The following DLGAP4 variants were observed in gnomAD, a reference collection of about 807,000 sequenced individuals.
DLGAP4 encodes the protein disks large-associated protein 4.
In DLGAP4, 18 loss-of-function variants were observed where a neutral mutation model predicts 86.9. That is an observed-to-expected ratio of 0.21 (90% CI 0.14 to 0.31). The LOEUF is 0.31. Ranked by LOEUF, DLGAP4 falls within the 10% of genes least tolerant of loss-of-function variation. The probability of loss-of-function intolerance (pLI) is 1.00; values close to 1 mark genes in which losing one functional copy is unlikely to be tolerated. For synonymous variants in DLGAP4, 548 were observed against 574.3 expected (o/e 0.95, Z 0.65); for missense variants, 1,085 against 1,362.6 (o/e 0.80, Z 3.21).
At chr20:36,416,489 C>T (rs545286216) in intron 2 of DLGAP4, among the ~76,000 whole-genome samples, 4 of 152,280 alleles carry the variant, frequency 2.6e-5, no homozygotes, top group South Asian at 2.1e-4. Flanking sequence ...TGGTGGAACC[C>T]GGGCGAACCA....
rs567533265 is a variant in DLGAP4 at position 36,432,919 on chromosome 20, C to T, written c.999+203C>T. On this transcript the variant is annotated intron_variant, in intron 3 of 12. Transcript: ENST00000339266. The surrounding 1 kb of genome is among the most constrained non-coding windows in gnomAD (Gnocchi z 6.5). ...GCTCTCAACAGAGATTAATTAGGGC[C>T]TTTCTGAGCCCAGCCCTGAGCAGGG... Among the ~76,000 whole-genome samples the T allele has an allele frequency of 6.6e-6, 1 of 152,266 alleles. No homozygotes were observed. Among genetic ancestry groups the T allele is most frequent in the East Asian group, 1.9e-4 (1 of 5,184 alleles).
chr20:36,428,617 C>G (rs55948010), intron 2 of DLGAP4, among the ~76,000 whole-genome samples: 1 of 152,216 alleles, frequency 6.6e-6, no homozygotes, highest in African/African-American at 2.4e-5. Context: ...ACACTGTCCC[C>G]TTTCTTTGCA....
intron 1 of DLGAP4, among the ~76,000 whole-genome samples, chr20:36,344,145 G>A (rs2065412619): frequency 6.6e-6 from 1 of 152,208 alleles, no homozygotes; most frequent in Admixed American, 6.5e-5. Context: ...AACAGTGGGA[G>A]TGTGGTGGGA....
At chr20:36,461,936 A>G in intron 7 of DLGAP4, 1 of 984,538 alleles carries the variant, frequency 1.0e-6, no homozygotes. Flanking sequence ...TTCAGCCCTC[A>G]GAGCCGCCCT....
At chr20:36,477,417 T>A in intron 7 of DLGAP4, among the ~76,000 whole-genome samples, 1 of 152,244 alleles carries the variant, frequency 6.6e-6, no homozygotes, top group East Asian at 1.9e-4. Flanking sequence ...TAATGCACAA[T>A]GCACATCTAA....
intron 1 of DLGAP4, among the ~76,000 whole-genome samples, chr20:36,330,482 T>TC (rs2065256277): frequency 6.6e-6 from 1 of 152,092 alleles, no homozygotes; most frequent in East Asian, 1.9e-4. Context: ...TCTCTGTGCC[T>TC]TAGTTTCCTC....
At chr20:36,379,832 T>G (rs776109700) in intron 2 of DLGAP4, among the ~76,000 whole-genome samples, 1 of 152,218 alleles carries the variant, frequency 6.6e-6, no homozygotes, top group Non-Finnish European at 1.5e-5. Context: ...TGCATTTAGC[T>G]GCATGTAACA....
At chr20:36,328,903 G>A (rs538492618) in intron 1 of DLGAP4, among the ~76,000 whole-genome samples, 1 of 152,086 alleles carries the variant, frequency 6.6e-6, no homozygotes, top group Non-Finnish European at 1.5e-5. Flanking sequence ...AGCCTCCTGA[G>A]TAGCTGCGAC....
At chr20:36,446,665 C>T (rs1035946949) in intron 6 of DLGAP4, 32 bp from the exon 7 acceptor site, 38 of 1,571,548 alleles carry the variant, frequency 2.4e-5, no homozygotes, top group Non-Finnish European at 2.9e-5. Flanking sequence ...GCAAGATAGC[C>T]AGCTCCCTCA....
chr20:36,394,625 C>T (rs752161125), intron 2 of DLGAP4, among the ~76,000 whole-genome samples: 9 of 152,164 alleles, frequency 5.9e-5, no homozygotes, highest in South Asian at 2.1e-4. Flanking sequence ...TGCTTCCCCA[C>T]GCTGTCGCCA....
chr20:36,513,761 G>A (rs1337795477), intron 10 of DLGAP4, among the ~76,000 whole-genome samples: 2 of 152,092 alleles, frequency 1.3e-5, no homozygotes, highest in Non-Finnish European at 2.9e-5. Flanking sequence ...ATTAGATATG[G>A]GTAAGAGTAA....
chr20:36,396,216 A>G (rs568790731), intron 2 of DLGAP4, among the ~76,000 whole-genome samples: 58 of 152,022 alleles, frequency 3.8e-4, no homozygotes, highest in Admixed American at 9.2e-4. Flanking sequence ...TCAGCACCGC[A>G]GAAGTGCAGT....
chr20:36,521,365 CTTT>C (rs549680541), intron 10 of DLGAP4, among the ~76,000 whole-genome samples: 53 of 152,124 alleles, frequency 3.5e-4, no homozygotes, highest in African/African-American at 1.3e-3. Flanking sequence ...AGTAGTTTTT[CTTT>C]TTTATTACTT....
At chr20:36,404,609 T>C (rs1331906682) in intron 2 of DLGAP4, among the ~76,000 whole-genome samples, 1 of 151,610 alleles carries the variant, frequency 6.6e-6, no homozygotes, top group African/African-American at 2.4e-5. Context: ...AATGAGGGGG[T>C]GGAATGGAAT....
rs1374453724 is a variant in DLGAP4, at chr20:36,431,197, C to T, written c.-72-449C>T. On this transcript the variant is annotated intron_variant, in intron 2 of 12. Coordinates refer to ENST00000339266, the MANE Select transcript of DLGAP4 (RefSeq NM_001365621.2). The surrounding 1 kb of genome is among the most constrained non-coding windows in gnomAD (Gnocchi z 5.1). ...TGCCACAGGGACCATCCTGGGGTTCCGGGATGACTGTTTGGGGGCCTGTGG... is the reference window on the plus strand; with the variant it reads ...TGCCACAGGGACCATCCTGGGGTTCTGGGATGACTGTTTGGGGGCCTGTGG... Among the ~76,000 whole-genome samples the T allele has an allele frequency of 3.9e-5, 6 of 152,004 alleles. No individual in the cohort carries two copies. Among genetic ancestry groups the T allele is most frequent in the African/African-American group, 9.7e-5 (4 of 41,386 alleles).
At chr20:36,399,324 C>T (rs2032088432) in intron 2 of DLGAP4, among the ~76,000 whole-genome samples, 1 of 152,206 alleles carries the variant, frequency 6.6e-6, no homozygotes, top group African/African-American at 2.4e-5. Context: ...AGCTCTGTGG[C>T]CTTGGGCAAG....
intron 10 of DLGAP4, among the ~76,000 whole-genome samples, chr20:36,513,886 A>T (rs899266495): frequency 3.3e-5 from 5 of 152,204 alleles, no homozygotes; most frequent in African/African-American, 1.2e-4. Flanking sequence ...GGTTTGGAAC[A>T]TGTTAAATTT....
intron 2 of DLGAP4, among the ~76,000 whole-genome samples, chr20:36,427,799 T>C (rs980818856): frequency 6.6e-6 from 1 of 151,772 alleles, no homozygotes; most frequent in Non-Finnish European, 1.5e-5. Flanking sequence ...AAAAATTAGC[T>C]GGGCGTGGTG....
At chr20:36,467,013 CTCTCCTCT>C (rs2034408403) in intron 7 of DLGAP4, among the ~76,000 whole-genome samples, 2 of 125,978 alleles carry the variant, frequency 1.6e-5, no homozygotes, top group East Asian at 2.1e-4. Flanking sequence ...CTCTCTCTCT[CTCTCCTCT>C]CTCTCTCTCT....
Sources: allele counts gnomAD v4.1 joint callset (sites outside exome capture counted in the v4.1 genomes callset), GRCh38; gene constraint gnomAD v4.1.1; non-coding constraint Gnocchi (gnomAD v3.1); transcripts MANE v1.5; gene names NCBI Gene and HGNC (gene_info 2026-07-23, HGNC 2026-07-21).